PDXK: variants seen among roughly 807,000 people sequenced by gnomAD.
PDXK encodes pyridoxal kinase.
A neutral mutation model predicts 43.2 loss-of-function variants in PDXK; 15 were observed. The observed-to-expected ratio is 0.35, with a 90% CI of 0.23 to 0.53. PDXK has a LOEUF of 0.53. Among genes scored for constraint, PDXK ranks in the 20% least tolerant of loss-of-function variants. The pLI, the probability that PDXK is intolerant of heterozygous loss-of-function variation, is 0.92. For missense variants in PDXK, 343 were observed against 417.0 expected (o/e 0.82, Z 1.54); for synonymous variants, 172 against 165.4 (o/e 1.04, Z -0.31).
chr21:43,737,432 T>A lies in PDXK; in HGVS notation c.142+3309T>A. 1 of 1,095,156 alleles carries A rather than the reference T, an allele frequency of 9.1e-7. No homozygotes were observed. Among genetic ancestry groups the A allele is most frequent in the Non-Finnish European group, 1.1e-6 (1 of 895,182 alleles). The allele number at this position is 1,095,156 out of a possible 1,614,324, so 67.8% of individuals were successfully genotyped here. On this transcript the variant is annotated intron_variant, in intron 2 of 10. Transcript: ENST00000291565. This position sits in a 1 kb window ranked among gnomAD's most constrained non-coding sequence, Gnocchi z 4.8. The stretch of plus-strand genomic sequence containing the variant: ...TCCACCTTGTGGCCAGTATTCCCAG[T>A]GGCCCCTTTGAGAGGATTTCCTGGA...
chr21:43,733,786 C>G, intron 1 of PDXK: 1 of 809,736 alleles, frequency 1.2e-6, no homozygotes, highest in Non-Finnish European at 1.8e-6. Context: ...GCGTGAAGTG[C>G]TTCCCCATGG....
Position 43,734,820 on chromosome 21 carries a change from C to T in PDXK, c.142+697C>T, listed in dbSNP as rs1009703245. On this transcript the variant is annotated intron_variant, in intron 2 of 10. Coordinates refer to ENST00000291565, the MANE Select transcript of PDXK (RefSeq NM_003681.5). The surrounding 1 kb of genome is among the most constrained non-coding windows in gnomAD (Gnocchi z 5.0). Reference sequence around the variant, plus strand: ...TGTGGTTTCTATACTGCTTCGTCGGCAGGAGAACAAAGCTGTTCTGTTCTT... The same window carrying T: ...TGTGGTTTCTATACTGCTTCGTCGGTAGGAGAACAAAGCTGTTCTGTTCTT... Among the ~76,000 whole-genome samples, 18 of 152,274 alleles carry T rather than the reference C, an allele frequency of 1.2e-4. No homozygotes were observed. Among genetic ancestry groups the T allele is most frequent in the Admixed American group, 9.8e-4 (15 of 15,298 alleles).
At chr21:43,733,248 T>TCCCCCCCCCCCC (rs1399508385) in intron 1 of PDXK, among the ~76,000 whole-genome samples, 34 of 35,102 alleles carry the variant, frequency 9.7e-4, no homozygotes, top group African/African-American at 1.2e-3. Flanking sequence ...CCCCTCCCCA[T>TCCCCCCCCCCCC]CCCCACCCCC....
rs553370099 is a variant in PDXK, at chr21:43,741,497, T to C, written c.143-170T>C. The C allele has an allele frequency of 9.4e-6, 13 of 1,381,300 alleles. No individual in the cohort carries two copies. The South Asian group carries it at 2.2e-4, about 23-fold the overall frequency. The allele number at this position is 1,381,300 out of a possible 1,614,324, so 85.6% of individuals were successfully genotyped here. A position where few individuals can be genotyped will look rare whatever the true frequency, so the allele number is the denominator to read the frequency against. Reference sequence around the variant, plus strand: ...TCGAGGCGTCCCATGTGGGCAGCCGTTGGGACCTGCCAAGCACTGCGCCTA... The same window carrying C: ...TCGAGGCGTCCCATGTGGGCAGCCGCTGGGACCTGCCAAGCACTGCGCCTA... On this transcript the variant is annotated intron_variant, in intron 2 of 10. Coordinates refer to ENST00000291565, the MANE Select transcript of PDXK (RefSeq NM_003681.5).
At chr21:43,724,840 C>CAAAA (rs553153040) in intron 1 of PDXK, among the ~76,000 whole-genome samples, 2 of 111,426 alleles carry the variant, frequency 1.8e-5, no homozygotes, top group Admixed American at 9.5e-5. Context: ...GACCCTGTCT[C>CAAAA]AAAAAAAAAA....
intron 5 of PDXK, among the ~76,000 whole-genome samples, chr21:43,747,984 G>A (rs569575283): frequency 1.1e-4 from 17 of 152,324 alleles, no homozygotes; most frequent in South Asian, 8.3e-4. Context: ...AGCAGCGGCC[G>A]GCGTGTGACC....
In PDXK at chr21:43,737,844, T is replaced by G; in HGVS notation, c.142+3721T>G. ...GCTTGTTTGCCTGTGCTTTTTCATC[T>G]GTAAATGGAATGAGTTGGACACAAG... On this transcript the variant is annotated intron_variant, in intron 2 of 10. Transcript: ENST00000291565. The surrounding 1 kb of genome is among the most constrained non-coding windows in gnomAD (Gnocchi z 4.8). The G allele has an allele frequency of 1.0e-6, 1 of 985,508 alleles. No homozygotes were observed. Among genetic ancestry groups the G allele is most frequent in the African/African-American group, 1.7e-5 (1 of 57,378 alleles). The allele number at this position is 985,508 out of a possible 1,614,324, so 61.0% of individuals were successfully genotyped here. A position where few individuals can be genotyped will look rare whatever the true frequency, so the allele number is the denominator to read the frequency against.
At position 43,739,555 on chromosome 21, in the gene PDXK, C is replaced by T. The variant is rs183087703; in HGVS notation, c.143-2112C>T. On this transcript the variant is annotated intron_variant, in intron 2 of 10. Coordinates refer to ENST00000291565, the MANE Select transcript of PDXK (RefSeq NM_003681.5). ...GAAACAAACACCTCCTTCACATTGGCGGCAGGAAGGAGAAGTGCAGACTGA... is the reference window on the plus strand; with the variant it reads ...GAAACAAACACCTCCTTCACATTGGTGGCAGGAAGGAGAAGTGCAGACTGA... 2.2e-3 allele frequency among the ~76,000 whole-genome samples: 337 copies of T among 152,060 alleles called. 1 individual carries two copies. The highest frequency in any genetic ancestry group is 3.8e-3 in the Non-Finnish European group (256 of 67,950).
intron 3 of PDXK, among the ~76,000 whole-genome samples, chr21:43,742,544 G>A (rs1416748007): frequency 6.6e-6 from 1 of 152,198 alleles, no homozygotes; most frequent in Non-Finnish European, 1.5e-5. Flanking sequence ...TAGAATTACA[G>A]GCGTGAGCCA....
chr21:43,722,947 C>T (rs2083219201), intron 1 of PDXK, among the ~76,000 whole-genome samples: 1 of 152,204 alleles, frequency 6.6e-6, no homozygotes, highest in African/African-American at 2.4e-5. Context: ...ATGCCATTCT[C>T]CTGCCTTAGC....
rs528112286 is a variant in PDXK at position 43,733,834 on chromosome 21, T to C, written c.88-235T>C. 2.3e-4 allele frequency: 156 copies of C among 676,492 alleles called. No homozygotes were observed. The African/African-American group carries it at 2.5e-3, about 11-fold the overall frequency. The allele number at this position is 676,492 out of a possible 1,614,324, so 41.9% of individuals were successfully genotyped here. On this transcript the variant is annotated intron_variant, in intron 1 of 10. Transcript: ENST00000291565. ...CTGGGCGATGCCCTCCCGGGCTGGT[T>C]GCTCCCCAGAGAGGGAAGCCCAGCT...
chr21:43,728,867 G>A (rs887590833), intron 1 of PDXK: 1 of 985,610 alleles, frequency 1.0e-6, no homozygotes, highest in Non-Finnish European at 1.2e-6. Flanking sequence ...GGCCCCCGCA[G>A]GAAGTTCCCA....
intron 5 of PDXK, 108 bp downstream of exon 5, chr21:43,746,233 T>C (rs2083636428): frequency 3.4e-6 from 3 of 876,442 alleles, no homozygotes; most frequent in Admixed American, 3.7e-5. Context: ...GGGACTCCTC[T>C]GTCCAGGGGT....
chr21:43,743,164 C>T (rs1311145024), intron 3 of PDXK, among the ~76,000 whole-genome samples: 1 of 127,204 alleles, frequency 7.9e-6, no homozygotes, highest in African/African-American at 3.1e-5. Context: ...TCCCTCCCCC[C>T]AGCTCCTGAG....
chr21:43,731,535 G>C (rs2083317878), intron 1 of PDXK, among the ~76,000 whole-genome samples: 1 of 152,246 alleles, frequency 6.6e-6, no homozygotes, highest in Non-Finnish European at 1.5e-5. Context: ...CAGTAATGCT[G>C]TTCCTAAAGG....
At chr21:43,738,661 C>G (rs901082007) in intron 2 of PDXK, 1 of 152,400 alleles carries the variant, frequency 6.6e-6, no homozygotes, top group South Asian at 2.1e-4. Context: ...GACAGACACA[C>G]GAGCTCCTGG....
chr21:43,747,879 G>T (rs149988168), intron 5 of PDXK, among the ~76,000 whole-genome samples: 3 of 152,154 alleles, frequency 2.0e-5, no homozygotes, highest in East Asian at 3.9e-4. Flanking sequence ...CCCAAAATGG[G>T]GCTCTAAAGA....
rs182538299 is a variant in PDXK, at chr21:43,742,805, C to T, written c.248-919C>T. Among the ~76,000 whole-genome samples, 273 of 152,210 alleles carry T rather than the reference C, an allele frequency of 1.8e-3. 1 individual carries two copies. Among genetic ancestry groups the T allele is most frequent in the African/African-American group, 6.0e-3 (247 of 41,510 alleles). ...ATGGCTTGAGCCTGGGAGTTCAAGG[C>T]TGCAGTGAGCTATGGTTGAACCACT... On this transcript the variant is annotated intron_variant, in intron 3 of 10. Coordinates refer to ENST00000291565, the MANE Select transcript of PDXK (RefSeq NM_003681.5).
In PDXK at chr21:43,757,530, TAGAA is replaced by T. The variant is rs995721440; in HGVS notation, c.*1471_*1474del. ...CCTGTGAGGCCATTCCAGTGTCTTC[TAGAA>T]AGACTCGCTTGCCAGGAGTGCGTTC... On this transcript the variant is annotated 3_prime_UTR_variant, in exon 11 of 11. Transcript: ENST00000291565. 6.6e-6 allele frequency: 1 copy of T among 152,244 alleles called. No homozygotes were observed. The highest frequency in any genetic ancestry group is 2.4e-5 in the African/African-American group (1 of 41,454). The allele number at this position is 152,244 out of a possible 1,614,324, so 9.4% of individuals were successfully genotyped here.
Sources: gnomAD v4.1 joint callset for allele counts (sites outside exome capture counted in the v4.1 genomes callset) on GRCh38, gnomAD v4.1.1 for gene constraint, Gnocchi (gnomAD v3.1) non-coding constraint, MANE v1.5 for transcripts, NCBI Gene and HGNC (gene_info 2026-07-23, HGNC 2026-07-21) for gene names.